The following SDK1 variants were observed in gnomAD, a reference collection of about 807,000 sequenced individuals.
SDK1 encodes the protein protein sidekick-1.
SDK1 carries 157 observed loss-of-function variants against 245.5 expected under a neutral mutation model. That is an observed-to-expected ratio of 0.64 (90% CI 0.56 to 0.73). The LOEUF (loss-of-function observed/expected upper bound fraction) is 0.73, where lower values mean the gene tolerates loss of function less well. Ranked by LOEUF, SDK1 falls within the 30% of genes least tolerant of loss-of-function variation. SDK1 has a pLI of 0.00. For missense variants in SDK1, 3,583 were observed against 3,002.3 expected, an observed-to-expected ratio of 1.19 and a Z score of -4.52; for synonymous variants, 1,647 against 1,278.5, an observed-to-expected ratio of 1.29 and a Z score of -6.15.
chr7:3,480,085 A>G (rs189966393), intron 1 of SDK1, among the ~76,000 whole-genome samples: 1 of 152,342 alleles, frequency 6.6e-6, no homozygotes, highest in Non-Finnish European at 1.5e-5. Flanking sequence ...TTAAGATAGC[A>G]GAAGGAATTA....
chr7:3,763,336 A>G (rs1359065434), intron 4 of SDK1, among the ~76,000 whole-genome samples: 3 of 152,196 alleles, frequency 2.0e-5, no homozygotes, highest in Non-Finnish European at 4.4e-5. Flanking sequence ...ATTTTTTTCA[A>G]CATTTTATTA....
intron 1 of SDK1, among the ~76,000 whole-genome samples, chr7:3,438,534 A>G (rs904390814): frequency 6.6e-6 from 1 of 152,188 alleles, no homozygotes; most frequent in Non-Finnish European, 1.5e-5. Flanking sequence ...TGAAGTGTCC[A>G]TTGTGAAGGC....
intron 2 of SDK1, among the ~76,000 whole-genome samples, chr7:3,636,516 G>A (rs2128650007): frequency 6.6e-6 from 1 of 152,340 alleles, no homozygotes; most frequent in African/African-American, 2.4e-5. Context: ...ATGACGTCAT[G>A]CTATGTAGCA....
At position 3,371,610 on chromosome 7, in the gene SDK1, A is replaced by G. The variant is rs1056535066; in HGVS notation, c.298+69726A>G. ...GCAATGAGACTTAAAATCCCTACTA[A>G]GATAATCAGAAGACTTGATCTCCAA... On this transcript the variant is annotated intron_variant, in intron 1 of 44. Coordinates refer to ENST00000404826, the MANE Select transcript of SDK1 (RefSeq NM_152744.4). Among the ~76,000 whole-genome samples the G allele has an allele frequency of 2.6e-5, 4 of 152,214 alleles. 1 individual carries two copies. Among genetic ancestry groups the G allele is most frequent in the African/African-American group, 9.7e-5 (4 of 41,434 alleles).
intron 4 of SDK1, among the ~76,000 whole-genome samples, chr7:3,813,580 A>G (rs1409502517): frequency 6.6e-6 from 1 of 150,864 alleles, no homozygotes; most frequent in Non-Finnish European, 1.5e-5. Flanking sequence ...ATACATGTGC[A>G]TGTGTCTTTA....
intron 9 of SDK1, among the ~76,000 whole-genome samples, chr7:3,966,092 C>G (rs1416712171): frequency 6.6e-6 from 1 of 151,988 alleles, no homozygotes; most frequent in Non-Finnish European, 1.5e-5. Flanking sequence ...CAGCCCAAGG[C>G]TGGCTGCCTC....
chr7:4,185,598 C>T (rs1006385425), intron 35 of SDK1, among the ~76,000 whole-genome samples: 3 of 152,172 alleles, frequency 2.0e-5, no homozygotes, highest in South Asian at 2.1e-4. Context: ...TGCATCCACG[C>T]GAGCCCTTGG....
intron 4 of SDK1, among the ~76,000 whole-genome samples, chr7:3,697,990 G>A (rs1257267372): frequency 6.6e-6 from 1 of 152,134 alleles, no homozygotes; most frequent in African/African-American, 2.4e-5. Context: ...GAGACCTGAT[G>A]AATGGCACAG....
At chr7:3,646,110 G>T (rs1394060264) in intron 4 of SDK1, among the ~76,000 whole-genome samples, 2 of 152,070 alleles carry the variant, frequency 1.3e-5, no homozygotes, top group African/African-American at 4.8e-5. Flanking sequence ...ACCCACCTCG[G>T]CCTCCCAGAG....
chr7:3,648,993 C>T (rs2128655078), intron 4 of SDK1, among the ~76,000 whole-genome samples: 1 of 152,328 alleles, frequency 6.6e-6, no homozygotes, highest in South Asian at 2.1e-4. Flanking sequence ...TGTTCTTCCC[C>T]TCCCTCTCTT....
chr7:4,164,073 A>G (rs1781341190), intron 32 of SDK1, among the ~76,000 whole-genome samples: 1 of 152,168 alleles, frequency 6.6e-6, no homozygotes, highest in African/African-American at 2.4e-5. Context: ...GAACCTTTCC[A>G]GGCAATGAAA....
In SDK1 at chr7:3,950,974, G is replaced by A. The variant is rs1179179033; in HGVS notation, c.899G>A (p.Gly300Asp). ...TMAPTIVVPP[G>D]NRSVVAGSSE... Reference sequence around the variant, plus strand: ...GCCCCAACCATTGTGGTTCCCCCGGGCAACAGAAGTGTGGTGGCTGGATCC... The same window carrying A: ...GCCCCAACCATTGTGGTTCCCCCGGACAACAGAAGTGTGGTGGCTGGATCC... The change falls in exon 6 of 45, where the codon GGC (glycine) becomes GAC (aspartate). Residue 300 changes from glycine to aspartate, a missense_variant. By Grantham distance (94) the Gly-to-Asp change is moderately conservative. Transcript: ENST00000404826. 2 of 1,613,988 alleles carry A rather than the reference G, an allele frequency of 1.2e-6. No homozygotes were observed. Among genetic ancestry groups the A allele is most frequent in the Non-Finnish European group, 1.7e-6 (2 of 1,180,010 alleles).
chr7:3,378,281 C>G (rs1307309138), intron 1 of SDK1, among the ~76,000 whole-genome samples: 1 of 152,148 alleles, frequency 6.6e-6, no homozygotes, highest in Non-Finnish European at 1.5e-5. Flanking sequence ...AATATATGGT[C>G]TGCTGATGGC....
At chr7:4,247,963 C>A (rs959703201) in intron 44 of SDK1, among the ~76,000 whole-genome samples, 1 of 152,112 alleles carries the variant, frequency 6.6e-6, no homozygotes, top group Non-Finnish European at 1.5e-5. Flanking sequence ...AGCAGGCGGG[C>A]AGGATTGGAT....
chr7:3,990,784 C>T (rs1784243214), intron 14 of SDK1, among the ~76,000 whole-genome samples: 1 of 152,236 alleles, frequency 6.6e-6, no homozygotes. Flanking sequence ...CATGGACCGT[C>T]TTCCAAAACA....
In SDK1 at chr7:3,513,286, A is replaced by G. The variant is rs556570768; in HGVS notation, c.299-105794A>G. Among the ~76,000 whole-genome samples, 79 of 152,318 alleles carry G rather than the reference A, an allele frequency of 5.2e-4. 1 individual carries two copies. The South Asian group carries it at 6.4e-3, about 12-fold the overall frequency. ...CCTAGAAAGATGGTAAAAGTGGCCA[A>G]TAAGAGACAGTAATAATGACAGAGT... On this transcript the variant is annotated intron_variant, in intron 1 of 44. Transcript: ENST00000404826.
intron 1 of SDK1, among the ~76,000 whole-genome samples, chr7:3,580,984 AAAAAAAAAAACC>A (rs1780465217): frequency 7.2e-6 from 1 of 139,392 alleles, no homozygotes; most frequent in Non-Finnish European, 1.6e-5. Context: ...AAAAAAAAAA[AAAAAAAAAAACC>A]AAAACAAAAC....
chr7:3,615,853 C>G lies in SDK1; in HGVS notation c.299-3227C>G, dbSNP rs1379020268. ...ATGTTCTTTTAACAACACAATCACA[C>G]AACCTCTTCAAAGGCTTTTTGCTGT... is the stretch of plus-strand genomic sequence containing the variant. On this transcript the variant is annotated intron_variant, in intron 1 of 44. Transcript: ENST00000404826. Among the ~76,000 whole-genome samples the G allele has an allele frequency of 2.8e-5, 4 of 143,674 alleles. 1 individual carries two copies. Among genetic ancestry groups the G allele is most frequent in the Admixed American group, 2.8e-4 (4 of 14,424 alleles). The allele number at this position is 143,674 out of a possible 152,430, so 94.3% of individuals were successfully genotyped here.
intron 1 of SDK1, among the ~76,000 whole-genome samples, chr7:3,356,842 G>A (rs1780810274): frequency 6.6e-6 from 1 of 151,908 alleles, no homozygotes; most frequent in Non-Finnish European, 1.5e-5. Context: ...TGGATCACGA[G>A]GTCAGGAGTT....
Sources: allele counts gnomAD v4.1 joint callset (sites outside exome capture counted in the v4.1 genomes callset), GRCh38; gene constraint gnomAD v4.1.1; transcripts MANE v1.5; gene names NCBI Gene and HGNC (gene_info 2026-07-23, HGNC 2026-07-21).